EIF3CL: variants seen among roughly 807,000 people sequenced by gnomAD.
EIF3CL encodes eukaryotic translation initiation factor 3 subunit C-like protein.
For synonymous variants in EIF3CL, 2 were observed against 19.6 expected (o/e 0.10, Z 2.37); for missense variants, 5 against 56.1 (o/e 0.09, Z 2.91).
the EIF3CL span, among the ~76,000 whole-genome samples, chr16:28,417,713 A>G: frequency 2.6e-5 from 3 of 117,412 alleles, no homozygotes; most frequent in East Asian, 7.2e-4. Context: ...TAGGAAAACC[A>G]GAGACCTTTG....
the EIF3CL span, among the ~76,000 whole-genome samples, chr16:28,417,300 C>G: frequency 6.7e-6 from 1 of 148,384 alleles, no homozygotes; most frequent in Non-Finnish European, 1.5e-5. Flanking sequence ...CCGGCCACCA[C>G]CCCGTCTGGG....
At chr16:28,423,874 T>A in the EIF3CL span, among the ~76,000 whole-genome samples, 1 of 116,990 alleles carries the variant, frequency 8.5e-6, no homozygotes, top group Non-Finnish European at 1.9e-5. Context: ...CAGGCTGGAG[T>A]GCAGTGGCAC....
chr16:28,419,478 A>G, the EIF3CL span, among the ~76,000 whole-genome samples: 1 of 140,124 alleles, frequency 7.1e-6, no homozygotes, highest in South Asian at 2.3e-4. Context: ...ACAGGGTGGG[A>G]CCATAGATCA....
At chr16:28,418,876 C>T in the EIF3CL span, among the ~76,000 whole-genome samples, 6 of 139,768 alleles carry the variant, frequency 4.3e-5, no homozygotes, top group Admixed American at 1.5e-4. Flanking sequence ...GTGATCCACC[C>T]GCCTCAGCCT....
chr16:28,405,313 TA>T (rs547080254), upstream of EIF3CL, among the ~76,000 whole-genome samples: 3 of 9,124 alleles, frequency 3.3e-4, no homozygotes, highest in Non-Finnish European at 5.2e-4. Flanking sequence ...AAAAAAAAGT[TA>T]AAAAAAAAAA....
the EIF3CL span, among the ~76,000 whole-genome samples, chr16:28,422,620 G>T: frequency 7.0e-6 from 1 of 143,326 alleles, no homozygotes; most frequent in African/African-American, 2.6e-5. Context: ...ATTACCTGAG[G>T]TCAGGAGTTC....
At chr16:28,417,406 C>T in the EIF3CL span, among the ~76,000 whole-genome samples, 6 of 130,694 alleles carry the variant, frequency 4.6e-5, no homozygotes, top group Non-Finnish European at 6.6e-5. Flanking sequence ...ATTGAGAAAT[C>T]GGATGGTTGC....
the EIF3CL span, among the ~76,000 whole-genome samples, chr16:28,421,874 G>A: frequency 8.0e-6 from 1 of 125,174 alleles, no homozygotes; most frequent in Admixed American, 8.4e-5. Flanking sequence ...CTTTTAGCAT[G>A]TCACTACATT....
At chr16:28,417,181 G>A in the EIF3CL span, among the ~76,000 whole-genome samples, 3 of 146,032 alleles carry the variant, frequency 2.1e-5, no homozygotes, top group Non-Finnish European at 3.0e-5. Context: ...GCCCCGTCCG[G>A]GAGGGAGGTG....
At chr16:28,402,081 GATA>G (rs1432282622) in intron 2 of EIF3CL, among the ~76,000 whole-genome samples, 1 of 43,824 alleles carries the variant, frequency 2.3e-5, no homozygotes, top group Non-Finnish European at 4.5e-5. Context: ...ATTTTTCTAC[GATA>G]ATAAGACCAG....
upstream of EIF3CL, among the ~76,000 whole-genome samples, chr16:28,406,245 A>ATG (rs1555464644): frequency 2.7e-4 from 5 of 18,700 alleles, no homozygotes; most frequent in Admixed American, 1.7e-3. Context: ...GTATATATAT[A>ATG]TGTGTGTGTG....
chr16:28,417,104 C>T, the EIF3CL span, among the ~76,000 whole-genome samples: 1 of 120,830 alleles, frequency 8.3e-6, no homozygotes, highest in Non-Finnish European at 1.8e-5. Context: ...AGTGAGGAGC[C>T]CCTCTGCCCG....
the EIF3CL span, among the ~76,000 whole-genome samples, chr16:28,412,869 T>TG: frequency 6.6e-6 from 1 of 150,644 alleles, no homozygotes; most frequent in South Asian, 2.1e-4. Context: ...TGGTGTCTGG[T>TG]GAGGGCTCTG....
At chr16:28,426,136 C>CA in the EIF3CL span, among the ~76,000 whole-genome samples, 1 of 102,778 alleles carries the variant, frequency 9.7e-6, no homozygotes, top group Non-Finnish European at 2.0e-5. Flanking sequence ...CAACAACAAC[C>CA]AAAAAACACC....
chr16:28,426,082 AACAC>A, the EIF3CL span, among the ~76,000 whole-genome samples: 1 of 103,886 alleles, frequency 9.6e-6, no homozygotes, highest in Non-Finnish European at 2.1e-5. Flanking sequence ...ACTCTGTCTC[AACAC>A]ACACACACAC....
the EIF3CL span, among the ~76,000 whole-genome samples, chr16:28,423,882 C>T: frequency 9.2e-6 from 1 of 108,330 alleles, no homozygotes; most frequent in African/African-American, 3.0e-5. Context: ...AGTGCAGTGG[C>T]ACTATCTCGG....
chr16:28,416,774 A>G, the EIF3CL span, among the ~76,000 whole-genome samples: 88 of 54,646 alleles, frequency 1.6e-3, 1 homozygote, highest in East Asian at 2.3e-3. Flanking sequence ...CAGCCCCCCC[A>G]CCCGGCCAGC....
chr16:28,402,978 A>G (rs983789460), intron 2 of EIF3CL, among the ~76,000 whole-genome samples: 1 of 100,244 alleles, frequency 1.0e-5, no homozygotes, highest in African/African-American at 3.1e-5. Flanking sequence ...AAAAAAAGAA[A>G]AAAAAAAGGA....
chr16:28,417,800 C>T, the EIF3CL span, among the ~76,000 whole-genome samples: 1 of 123,250 alleles, frequency 8.1e-6, no homozygotes, highest in Non-Finnish European at 1.7e-5. Context: ...GAGAAACACC[C>T]AAGAATTATC....
Sources: gnomAD v4.1 joint callset for allele counts (sites outside exome capture counted in the v4.1 genomes callset) on GRCh38, gnomAD v4.1.1 for gene constraint, MANE v1.5 for transcripts, NCBI Gene and HGNC (gene_info 2026-07-23, HGNC 2026-07-21) for gene names.